Variants in PRCP observed in about 807,000 individuals in gnomAD.
PRCP encodes the protein prolylcarboxypeptidase, also known as lysosomal Pro-X carboxypeptidase.
A neutral mutation model predicts 54.2 loss-of-function variants in PRCP; 46 were observed. The ratio of observed to expected loss-of-function variants is 0.85; its 90% CI spans 0.67 to 1.09. PRCP has a LOEUF of 1.09. Among genes scored for constraint, PRCP ranks in the 50% least tolerant of loss-of-function variants. The probability of loss-of-function intolerance (pLI) is 0.00; values close to 1 mark genes in which losing one functional copy is unlikely to be tolerated. For missense variants in PRCP, 613 were observed against 596.8 expected (o/e 1.03, Z -0.28); for synonymous variants, 240 against 212.2 (o/e 1.13, Z -1.14).
At chr11:82,866,721 T>C (rs982851686) in intron 1 of PRCP, among the ~76,000 whole-genome samples, 1 of 151,694 alleles carries the variant, frequency 6.6e-6, no homozygotes, top group African/African-American at 2.4e-5. Context: ...AGATAATTGT[T>C]TTTAATTTTT....
intron 1 of PRCP, chr11:82,884,751 A>G (rs1859827592): frequency 6.3e-7 from 1 of 1,598,912 alleles, no homozygotes; most frequent in Admixed American, 1.8e-5. Context: ...TTGGCCATTT[A>G]TTAGCTACTT....
At chr11:82,861,870 A>C (rs1859213979) in intron 1 of PRCP, among the ~76,000 whole-genome samples, 1 of 152,198 alleles carries the variant, frequency 6.6e-6, no homozygotes, top group Non-Finnish European at 1.5e-5. Flanking sequence ...ATGTAGGGAC[A>C]AATGTGTAAT....
At chr11:82,827,259 C>T (rs548805645) in intron 8 of PRCP, 1 of 152,278 alleles carries the variant, frequency 6.6e-6, no homozygotes, top group Non-Finnish European at 1.5e-5. Flanking sequence ...ACAAGTTTTT[C>T]ATTTTCATGA....
chr11:82,881,662 C>G (rs1037786097), intron 1 of PRCP, among the ~76,000 whole-genome samples: 1 of 152,000 alleles, frequency 6.6e-6, no homozygotes, highest in African/African-American at 2.4e-5. Flanking sequence ...AACTGGTAAC[C>G]CTGGGAAAGC....
chr11:82,850,361 C>T lies in PRCP; in HGVS notation c.556G>A (p.Ala186Thr), dbSNP rs144961863. 4.5e-5 allele frequency: 72 copies of T among 1,587,438 alleles called. No homozygotes were observed. The Middle Eastern group carries it at 8.4e-4, about 18-fold the overall frequency. ...IGGSYGGMLA[A>T]WFRMKYPHMV... ...TGAGGATATTTCATCCTAAACCAGG[C>T]GGCAAGCATGCCACCATAGGAGCCT... Residue 186 changes from alanine (A) to threonine (T), a missense_variant, in exon 4 of 9, where the codon GCC becomes ACC. Transcript: ENST00000313010.
At chr11:82,862,825 T>C (rs2121185769) in intron 1 of PRCP, among the ~76,000 whole-genome samples, 1 of 152,350 alleles carries the variant, frequency 6.6e-6, no homozygotes, top group Admixed American at 6.5e-5. Context: ...TACTCAATCA[T>C]TCACTCAACA....
At chr11:82,883,259 C>G (rs1429240962) in intron 1 of PRCP, among the ~76,000 whole-genome samples, 1 of 152,094 alleles carries the variant, frequency 6.6e-6, no homozygotes, top group Non-Finnish European at 1.5e-5. Context: ...GTTACCCAGC[C>G]CATGGCAGGG....
At chr11:82,900,781 C>T (rs748157285), upstream of PRCP, 1 of 473,348 alleles carries the variant, frequency 2.1e-6, no homozygotes, top group South Asian at 1.5e-5. Context: ...AATATCCCTA[C>T]CATTATCATC....
chr11:82,889,222 G>T (rs1859940531), intron 1 of PRCP, among the ~76,000 whole-genome samples: 1 of 152,024 alleles, frequency 6.6e-6, no homozygotes, highest in Admixed American at 6.6e-5. Context: ...TCCAGGCATG[G>T]TGGCACAAGC....
At chr11:82,880,914 A>C (rs1859735406) in intron 1 of PRCP, among the ~76,000 whole-genome samples, 1 of 151,950 alleles carries the variant, frequency 6.6e-6, no homozygotes, top group Non-Finnish European at 1.5e-5. Flanking sequence ...GCCACTGCCA[A>C]GTGCCTGCTC....
intron 1 of PRCP, among the ~76,000 whole-genome samples, chr11:82,861,793 T>G (rs993698127): frequency 6.6e-6 from 1 of 152,214 alleles, no homozygotes; most frequent in Non-Finnish European, 1.5e-5. Flanking sequence ...TTAAGGAACA[T>G]AATAACCAGA....
At chr11:82,872,252 C>T (rs1859499584) in intron 1 of PRCP, among the ~76,000 whole-genome samples, 3 of 152,306 alleles carry the variant, frequency 2.0e-5, no homozygotes, top group Middle Eastern at 3.4e-3. Context: ...GGGAGGACTA[C>T]TGTATAGCTC....
intron 8 of PRCP, among the ~76,000 whole-genome samples, chr11:82,831,976 T>C (rs904986055): frequency 3.3e-5 from 5 of 152,168 alleles, no homozygotes; most frequent in Non-Finnish European, 5.9e-5. Flanking sequence ...GTGTCTGATT[T>C]TCTGTTCCTG....
chr11:82,866,841 C>T lies in PRCP; in HGVS notation c.169-6724G>A, dbSNP rs182154710. On this transcript the variant is annotated intron_variant, in intron 1 of 8. Coordinates refer to ENST00000313010, the MANE Select transcript of PRCP (RefSeq NM_005040.4). ...AGTTCAAGCAATTCTCCTGCCTCAG[C>T]CTCCCAAGTGGCTGGGATTACAGGT... Among the ~76,000 whole-genome samples, 686 of 152,186 alleles carry T rather than the reference C, an allele frequency of 4.5e-3. 5 individuals carry two copies. The highest frequency in any genetic ancestry group is 0.016 in the African/African-American group (661 of 41,512).
In PRCP at chr11:82,853,158, A is replaced by G. The variant is rs779312477; in HGVS notation, c.411+19T>C. On this transcript the variant is annotated intron_variant, in intron 3 of 8. Coordinates refer to ENST00000313010, the MANE Select transcript of PRCP (RefSeq NM_005040.4). ...TGAAAAGAAAAAGCTTGTAACTTTT[A>G]AGTAAAAAGTATCTTTACCTTGAAT... The G allele has an allele frequency of 3.9e-6, 6 of 1,530,910 alleles. No individual in the cohort carries two copies. In the African/African-American group the frequency reaches 8.4e-5, roughly 21 times the overall value. 94.8% of individuals were successfully genotyped at this position (1,530,910 alleles called of 1,614,324 possible). A position where few individuals can be genotyped will look rare whatever the true frequency, so the allele number is the denominator to read the frequency against.
chr11:82,860,845 T>C (rs981604640), intron 1 of PRCP, among the ~76,000 whole-genome samples: 1 of 152,124 alleles, frequency 6.6e-6, no homozygotes, highest in Non-Finnish European at 1.5e-5. Context: ...AAGTGGCTGA[T>C]TGACATTTGG....
intron 1 of PRCP, among the ~76,000 whole-genome samples, chr11:82,883,837 TG>T (rs1325836610): frequency 4.6e-5 from 7 of 152,264 alleles, no homozygotes; most frequent in South Asian, 2.1e-4. Flanking sequence ...AAAGGGTTGT[TG>T]TTTTTTTAGA....
In PRCP at chr11:82,838,573, G is replaced by T. The variant is rs370408841; in HGVS notation, c.1088C>A (p.Ala363Asp). The change falls in exon 8 of 9, where the codon GCC becomes GAC. Residue 363 changes from alanine (A) to aspartate (D), a missense_variant and splice_region_variant. Ala to Asp is a moderately radical substitution (Grantham distance 126). Transcript: ENST00000313010. ...SLGTLGWSYQ[A>D]CTEVVMPFCT... ...AAAGGGCATGACTACTTCTGTGCAG[G>T]CCTAAGAAGCAAACCAAGAGAGAAT... 2 of 1,605,790 alleles carry T rather than the reference G, an allele frequency of 1.2e-6. No homozygotes were observed. Among genetic ancestry groups the T allele is most frequent in the Non-Finnish European group, 1.7e-6 (2 of 1,177,204 alleles).
At chr11:82,854,865 C>G (rs902135243) in intron 2 of PRCP, among the ~76,000 whole-genome samples, 1 of 152,098 alleles carries the variant, frequency 6.6e-6, no homozygotes, top group Non-Finnish European at 1.5e-5. Flanking sequence ...AAAAATCAAG[C>G]CACATGCTTG....
Sources: allele counts gnomAD v4.1 joint callset (sites outside exome capture counted in the v4.1 genomes callset), GRCh38; gene constraint gnomAD v4.1.1; transcripts MANE v1.5; gene names NCBI Gene and HGNC (gene_info 2026-07-23, HGNC 2026-07-21).